Variants in OVCH1 observed in about 807,000 individuals in gnomAD.
OVCH1 encodes ovochymase-1.
OVCH1 carries 139 observed loss-of-function variants against 138.4 expected under a neutral mutation model. The observed-to-expected ratio is 1.00, with a 90% confidence interval of 0.87 to 1.16. OVCH1 has a LOEUF of 1.16. OVCH1 is among the 50% of genes most tolerant of loss of function. OVCH1 has a pLI of 0.00. For missense variants in OVCH1, 1,367 were observed against 1,357.9 expected, an observed-to-expected ratio of 1.01 and a Z score of -0.11; for synonymous variants, 453 against 467.8, an observed-to-expected ratio of 0.97 and a Z score of 0.41.
chr12:29,464,300 CTACTTA>C (rs1477529693), intron 18 of OVCH1: 1 of 620,084 alleles, frequency 1.6e-6, no homozygotes, highest in Non-Finnish European at 2.8e-6. Flanking sequence ...CTCATCTAGC[CTACTTA>C]TAATCTAAGT....
chr12:29,474,979 T>C (rs1288580920), intron 14 of OVCH1, 82 bp downstream of exon 14: 4 of 1,433,876 alleles, frequency 2.8e-6, no homozygotes, highest in African/African-American at 2.9e-5. Context: ...CTATACTACA[T>C]TGAGGTAAAC....
At chr12:29,496,706 CAG>C (rs767293248) in intron 1 of OVCH1, 32 bp from the exon 2 acceptor site, 2 of 1,497,906 alleles carry the variant, frequency 1.3e-6, no homozygotes, top group Middle Eastern at 1.7e-4. Context: ...TGTGCACACA[CAG>C]AGCCTTATGT....
Position 29,449,290 on chromosome 12 carries a change from C to CACACAT in OVCH1, c.2755+2054_2755+2055insATGTGT, listed in dbSNP as rs1345648625. On this transcript the variant is annotated intron_variant, in intron 22 of 27. Coordinates refer to ENST00000318184, the Ensembl canonical transcript of OVCH1. ...TCCCCCCTCCCTACACACACACACACACACACACACACACACACACACACA... is the reference window on the plus strand; with the variant it reads ...TCCCCCCTCCCTACACACACACACACACACATACACACACACACACACACACACACA... Among the ~76,000 whole-genome samples, 469 of 133,462 alleles carry CACACAT rather than the reference C, an allele frequency of 3.5e-3. 10 individuals are homozygous for CACACAT. The East Asian group carries it at 0.065, about 19-fold the overall frequency. The allele number at this position is 133,462 out of a possible 152,430, so 87.6% of individuals were successfully genotyped here.
At chr12:29,407,380 C>G in the OVCH1 span, among the ~76,000 whole-genome samples, 1 of 144,168 alleles carries the variant, frequency 6.9e-6, no homozygotes, top group Non-Finnish European at 1.6e-5. Flanking sequence ...AAGTCCTTGC[C>G]CATGCCTATG....
intron 6 of OVCH1, among the ~76,000 whole-genome samples, chr12:29,488,732 T>A (rs936965942): frequency 1.3e-5 from 2 of 151,970 alleles, no homozygotes; most frequent in African/African-American, 4.8e-5. Context: ...CCAGAATCTA[T>A]GCTGCTTTAA....
intron 8 of OVCH1, among the ~76,000 whole-genome samples, chr12:29,481,368 A>T (rs1183024206): frequency 6.6e-6 from 1 of 152,140 alleles, no homozygotes; most frequent in Non-Finnish European, 1.5e-5. Flanking sequence ...ATATAGTACA[A>T]ATAGATGCTA....
intron 26 of OVCH1, among the ~76,000 whole-genome samples, chr12:29,435,413 C>T (rs1008024965): frequency 1.3e-5 from 2 of 152,278 alleles, no homozygotes; most frequent in South Asian, 2.1e-4. Flanking sequence ...GTCGTCCAGG[C>T]TGGAGTGCAG....
chr12:29,494,096 C>T (rs1385125223), intron 4 of OVCH1, among the ~76,000 whole-genome samples: 1 of 152,176 alleles, frequency 6.6e-6, no homozygotes, highest in Non-Finnish European at 1.5e-5. Context: ...AACCCTCTGT[C>T]CAGAGCCAAG....
exon 2 of OVCH1, chr12:29,496,646 G>A (rs1943426204): frequency 6.2e-7 from 1 of 1,613,456 alleles, no homozygotes; most frequent in African/African-American, 1.3e-5. Context: ...TACTTTTCAT[G>A]TTGACCATGC....
At chr12:29,434,600 C>A (rs1372865711) in intron 26 of OVCH1, among the ~76,000 whole-genome samples, 2 of 151,710 alleles carry the variant, frequency 1.3e-5, no homozygotes, top group Non-Finnish European at 2.9e-5. Context: ...ACCAGAAATA[C>A]AAAAAGAGTC....
At position 29,489,683 on chromosome 12, in the gene OVCH1, G is replaced by C. The variant is rs751334164; in HGVS notation, c.639C>G (p.Leu213=). Residue 213 remains leucine (L), a synonymous_variant, in exon 6 of 28, where the codon CTC becomes CTG. Coordinates refer to ENST00000318184, the Ensembl canonical transcript of OVCH1. ...ACAGCATGGTCCTTCCCAGGGGAGG[G>C]AGGTTCATGCTCTTGAGCACAGTAT... 2.5e-6 allele frequency: 4 copies of C among 1,610,092 alleles called. No individual in the cohort carries two copies. The South Asian group carries it at 4.4e-5, about 18-fold the overall frequency.
At chr12:29,431,913 G>T in intron 27 of OVCH1, among the ~76,000 whole-genome samples, 1 of 152,076 alleles carries the variant, frequency 6.6e-6, no homozygotes, top group Non-Finnish European at 1.5e-5. Flanking sequence ...AAATAGACAC[G>T]TTTGTTAACC....
In OVCH1 at chr12:29,473,071, GA is replaced by G. The variant is rs1179413213; in HGVS notation, c.1632del (p.Gln546LysfsTer8). On this transcript the variant is annotated frameshift_variant, in exon 15 of 28. Transcript: ENST00000318184. LOFTEE classifies it high-confidence loss of function. ...ACGGTAGATACAGGATTGTTTTGGG[GA>G]GGTAACTTTGGTTCAAATTTGTTTA... The G allele has an allele frequency of 6.2e-7, 1 of 1,610,826 alleles. No individual in the cohort carries two copies. The highest frequency in any genetic ancestry group is 1.3e-5 in the African/African-American group (1 of 74,886).
intron 26 of OVCH1, among the ~76,000 whole-genome samples, chr12:29,438,199 T>C (rs1941399900): frequency 6.6e-6 from 1 of 152,158 alleles, no homozygotes; most frequent in Non-Finnish European, 1.5e-5. Flanking sequence ...CTGTATGATG[T>C]GAAGAATAAT....
intron 22 of OVCH1, among the ~76,000 whole-genome samples, chr12:29,448,277 T>C (rs374538018): frequency 8.6e-5 from 13 of 151,420 alleles, no homozygotes; most frequent in African/African-American, 3.2e-4. Context: ...TCCTGCTGTG[T>C]GGCCTAGTTC....
downstream of OVCH1, among the ~76,000 whole-genome samples, chr12:29,411,812 G>T (rs1940961603): frequency 6.6e-6 from 1 of 151,708 alleles, no homozygotes; most frequent in African/African-American, 2.4e-5. Flanking sequence ...CTGCATGCTG[G>T]GAGAACCACT....
intron 18 of OVCH1, 39 bp downstream of exon 18, chr12:29,464,468 C>T (rs759665851): frequency 6.3e-7 from 1 of 1,595,534 alleles, no homozygotes; most frequent in East Asian, 2.3e-5. Flanking sequence ...TCAAAAATAA[C>T]AACTGGCATT....
At chr12:29,406,062 C>A in the OVCH1 span, among the ~76,000 whole-genome samples, 7 of 152,150 alleles carry the variant, frequency 4.6e-5, no homozygotes, top group Non-Finnish European at 8.8e-5. Flanking sequence ...TGCCTCACAT[C>A]ATTAGAAATT....
chr12:29,431,481 A>C (rs980599618), intron 27 of OVCH1, among the ~76,000 whole-genome samples: 3 of 152,108 alleles, frequency 2.0e-5, no homozygotes, highest in African/African-American at 7.2e-5. Flanking sequence ...ACCAATATTC[A>C]TGTTTTAATG....
Sources: allele counts gnomAD v4.1 joint callset (sites outside exome capture counted in the v4.1 genomes callset), GRCh38; gene constraint gnomAD v4.1.1; transcripts MANE v1.5; gene names NCBI Gene and HGNC (gene_info 2026-07-23, HGNC 2026-07-21).